SANBR: variants seen among roughly 807,000 people sequenced by gnomAD.
SANBR encodes the protein SANT and BTB domain regulator of CSR, also known as SANT and BTB domain regulator of class switch recombination.
A neutral mutation model predicts 101.8 loss-of-function variants in SANBR; 77 were observed. That is an observed-to-expected ratio of 0.76 (90% confidence interval 0.63 to 0.91). The LOEUF (loss-of-function observed/expected upper bound fraction) is 0.91, where lower values mean the gene tolerates loss of function less well. Ranked by LOEUF, SANBR falls within the 40% of genes least tolerant of loss-of-function variation. SANBR has a pLI of 0.00. For synonymous variants in SANBR, 279 were observed against 274.7 expected, an observed-to-expected ratio of 1.02 and a Z score of -0.15; for missense variants, 875 against 853.0, an observed-to-expected ratio of 1.03 and a Z score of -0.32.
chr2:61,122,851 C>T lies in SANBR; in HGVS notation c.*689C>T, dbSNP rs546520845. Reference sequence around the variant, plus strand: ...TGGAATTACTGATTATTACTCTGTCCTCTGTGAAACTAGTGGCATTCTGAA... The same window carrying T: ...TGGAATTACTGATTATTACTCTGTCTTCTGTGAAACTAGTGGCATTCTGAA... On this transcript the variant is annotated 3_prime_UTR_variant, in exon 22 of 22. Transcript: ENST00000402291. The T allele has an allele frequency of 1.0e-6, 1 of 984,866 alleles. No individual in the cohort carries two copies. Among genetic ancestry groups the T allele is most frequent in the East Asian group, 1.1e-4 (1 of 8,952 alleles). The allele number at this position is 984,866 out of a possible 1,614,324, so 61.0% of individuals were successfully genotyped here.
At chr2:61,081,540 G>A in intron 7 of SANBR, 30 bp downstream of exon 7, 1 of 1,501,022 alleles carries the variant, frequency 6.7e-7, no homozygotes, top group Non-Finnish European at 8.8e-7. Flanking sequence ...AAATCAAAGT[G>A]CTTCTGTTCA....
chr2:61,106,597 A>T lies in SANBR; in HGVS notation c.1546A>T (p.Ile516Leu), dbSNP rs771992978. ...GGTTGGCCTCTGTGATGAAAAGGGT[A>T]TAGAATGTGATGTTTTACTGGAGCC... ...VGVGLCDEKG[I>L]ECDVLLEPNT... Residue 516 changes from isoleucine (I) to leucine (L), a missense_variant, in exon 14 of 22, where the codon ATA (isoleucine) becomes TTA (leucine). Transcript: ENST00000402291. 5 of 1,602,730 alleles carry T rather than the reference A, an allele frequency of 3.1e-6. No individual in the cohort carries two copies. Among genetic ancestry groups the T allele is most frequent in the African/African-American group, 1.3e-5 (1 of 74,240 alleles).
At chr2:61,098,111 T>G (rs1321655036) in intron 12 of SANBR, among the ~76,000 whole-genome samples, 5 of 22,986 alleles carry the variant, frequency 2.2e-4, no homozygotes, top group African/African-American at 1.7e-3. Context: ...GTTTTTTTGT[T>G]TTTTTTTTTT....
intron 10 of SANBR, among the ~76,000 whole-genome samples, chr2:61,090,196 G>A (rs575471981): frequency 2.0e-5 from 3 of 152,070 alleles, no homozygotes; most frequent in South Asian, 4.1e-4. Flanking sequence ...TAAAAAAATA[G>A]GATGTTCACT....
chr2:61,118,566 G>GTTTTTTTTTTTTT (rs1175530888), intron 20 of SANBR, among the ~76,000 whole-genome samples: 4 of 99,544 alleles, frequency 4.0e-5, no homozygotes, highest in African/African-American at 4.5e-5. Context: ...TTTTTTGTTG[G>GTTTTTTTTTTTTT]TTTTTTTTTT....
intron 10 of SANBR, among the ~76,000 whole-genome samples, chr2:61,091,155 A>C (rs1267904314): frequency 6.6e-6 from 1 of 152,178 alleles, no homozygotes; most frequent in Non-Finnish European, 1.5e-5. Flanking sequence ...ATTAGAAAAG[A>C]TTGAAATAAA....
chr2:61,098,108 T>C (rs1247572010), intron 12 of SANBR, among the ~76,000 whole-genome samples: 1 of 94,318 alleles, frequency 1.1e-5, no homozygotes, highest in Non-Finnish European at 1.9e-5. Context: ...TTTGTTTTTT[T>C]GTTTTTTTTT....
chr2:61,120,613 C>T (rs1684289603), intron 20 of SANBR, among the ~76,000 whole-genome samples: 2 of 152,268 alleles, frequency 1.3e-5, no homozygotes, highest in South Asian at 2.1e-4. Context: ...CCTGTGAGGT[C>T]TCAGCTCCTC....
rs1573645362 is a variant in SANBR, at chr2:61,106,765, C to T, written c.1611+103C>T. On this transcript the variant is annotated intron_variant, in intron 14 of 21. Transcript: ENST00000402291. ...GTTTAAGTTGAAATTGAACTGACTA[C>T]CTAATCATAAGAAGGTATTATGCCT... 1.3e-5 allele frequency: 9 copies of T among 666,712 alleles called. No individual in the cohort carries two copies. The East Asian group carries it at 1.5e-4, about 11-fold the overall frequency. 41.3% of individuals were successfully genotyped at this position (666,712 alleles called of 1,614,324 possible).
chr2:61,116,786 C>T (rs1195282636), intron 17 of SANBR, among the ~76,000 whole-genome samples: 1 of 152,116 alleles, frequency 6.6e-6, no homozygotes, highest in African/African-American at 2.4e-5. Context: ...GGCATGATCA[C>T]TCATGCCTGT....
Position 61,098,833 on chromosome 2 carries a change from G to A in SANBR, c.1365+981G>A, listed in dbSNP as rs1683157887. ...AGGCAGAGGATAGCCTGTAAACTTG[G>A]ATCATTTATGCCTTTATGGAACTTA... is the stretch of plus-strand genomic sequence containing the variant. On this transcript the variant is annotated intron_variant, in intron 12 of 21. Coordinates refer to ENST00000402291, the MANE Select transcript of SANBR (RefSeq NM_001129993.3). Among the ~76,000 whole-genome samples, 3 of 152,148 alleles carry A rather than the reference G, an allele frequency of 2.0e-5. No individual in the cohort carries two copies. The South Asian group carries it at 6.2e-4, about 31-fold the overall frequency.
At chr2:61,109,763 G>A (rs1189761221) in intron 16 of SANBR, among the ~76,000 whole-genome samples, 1 of 149,026 alleles carries the variant, frequency 6.7e-6, no homozygotes, top group Non-Finnish European at 1.5e-5. Flanking sequence ...CTACTTCCTG[G>A]GTTCAAGCAA....
At chr2:61,097,014 T>C (rs900041903) in intron 11 of SANBR, among the ~76,000 whole-genome samples, 8 of 151,720 alleles carry the variant, frequency 5.3e-5, no homozygotes, top group African/African-American at 1.9e-4. Flanking sequence ...ACTAGCCAGG[T>C]GTGGTTGTGC....
At chr2:61,131,706 G>A (rs1684693259) in intron 20 of SANBR, among the ~76,000 whole-genome samples, 1 of 152,176 alleles carries the variant, frequency 6.6e-6, no homozygotes, top group Non-Finnish European at 1.5e-5. Flanking sequence ...AAATTTATGT[G>A]AAAACTCAAG....
At chr2:61,135,744 G>C (rs1684821809) in intron 21 of SANBR, among the ~76,000 whole-genome samples, 2 of 152,102 alleles carry the variant, frequency 1.3e-5, no homozygotes, top group African/African-American at 4.8e-5. Context: ...TTTGTAGAAG[G>C]AAACAGAATA....
chr2:61,091,447 A>G (rs1682751126), intron 10 of SANBR, among the ~76,000 whole-genome samples: 1 of 152,018 alleles, frequency 6.6e-6, no homozygotes, highest in Admixed American at 6.6e-5. Context: ...TACAAAAATT[A>G]GCCAGGCATG....
chr2:61,066,394 G>A (rs559694846), intron 1 of SANBR: 11 of 152,634 alleles, frequency 7.2e-5, no homozygotes, highest in Middle Eastern at 3.4e-3. Context: ...CCACGGGCGG[G>A]AGCGGGGCGC....
At chr2:61,091,534 G>T (rs1451582683) in intron 10 of SANBR, among the ~76,000 whole-genome samples, 1 of 151,424 alleles carries the variant, frequency 6.6e-6, no homozygotes, top group Non-Finnish European at 1.5e-5. Flanking sequence ...GGCAGAGGTT[G>T]CAGTGAGCCA....
At chr2:61,132,411 A>C (rs1684715808) in intron 20 of SANBR, among the ~76,000 whole-genome samples, 1 of 152,236 alleles carries the variant, frequency 6.6e-6, no homozygotes, top group African/African-American at 2.4e-5. Flanking sequence ...TAAGCGCATG[A>C]AAAGTTGCTC....
Sources: allele counts gnomAD v4.1 joint callset (sites outside exome capture counted in the v4.1 genomes callset), GRCh38; gene constraint gnomAD v4.1.1; transcripts MANE v1.5; gene names NCBI Gene and HGNC (gene_info 2026-07-23, HGNC 2026-07-21).